The following SEZ6L variants were observed in gnomAD, a reference collection of about 807,000 sequenced individuals.
SEZ6L encodes seizure 6-like protein.
Under a neutral mutation model 106.2 loss-of-function variants are expected in SEZ6L, and 37 were observed. That is an observed-to-expected ratio of 0.35 (90% CI 0.27 to 0.46). The LOEUF (loss-of-function observed/expected upper bound fraction) is 0.46, where lower values mean the gene tolerates loss of function less well. SEZ6L is among the 20% of genes least tolerant of loss of function. The pLI is 1.00. For missense variants in SEZ6L, 1,172 were observed against 1,332.8 expected (o/e 0.88, Z 1.88); for synonymous variants, 541 against 570.4 (o/e 0.95, Z 0.73).
At chr22:26,348,654 G>GAAAGAAAGAAAGAA (rs1569473682) in intron 11 of SEZ6L, among the ~76,000 whole-genome samples, 11 of 41,478 alleles carry the variant, frequency 2.7e-4, no homozygotes, top group South Asian at 1.0e-3. Context: ...GAAAAAGAAA[G>GAAAGAAAGAAAGAA]AAAGAAAGAA....
intron 12 of SEZ6L, among the ~76,000 whole-genome samples, chr22:26,354,718 A>G (rs1424962546): frequency 2.0e-5 from 3 of 152,214 alleles, no homozygotes. Context: ...CCAGTCTCTA[A>G]AGACCCTCTG....
At chr22:26,311,637 A>T in intron 7 of SEZ6L, 131 bp from the exon 8 acceptor site, 1 of 805,770 alleles carries the variant, frequency 1.2e-6, no homozygotes, top group South Asian at 1.7e-5. Context: ...AGCTGGAACC[A>T]GGACACGTAA....
intron 1 of SEZ6L, among the ~76,000 whole-genome samples, chr22:26,273,264 C>T (rs1008748143): frequency 6.6e-5 from 10 of 152,380 alleles, no homozygotes; most frequent in East Asian, 1.9e-4. Flanking sequence ...CTAGTGCCAC[C>T]GCATGCAGGC....
chr22:26,291,563 C>A (rs113875235), intron 1 of SEZ6L, among the ~76,000 whole-genome samples: 34 of 152,218 alleles, frequency 2.2e-4, no homozygotes, highest in African/African-American at 8.2e-4. Flanking sequence ...ACATAACAAA[C>A]CTGCACATCC....
At chr22:26,254,351 A>G (rs143749662) in intron 1 of SEZ6L, among the ~76,000 whole-genome samples, 86 of 152,168 alleles carry the variant, frequency 5.7e-4, no homozygotes, top group African/African-American at 1.9e-3. Context: ...AAGGAAGAGG[A>G]GAAGTGAGGA....
intron 1 of SEZ6L, among the ~76,000 whole-genome samples, chr22:26,183,941 G>A (rs148651312): frequency 1.3e-5 from 2 of 152,234 alleles, no homozygotes; most frequent in East Asian, 3.9e-4. Context: ...ACGTGGCAAA[G>A]GATATCCATT....
chr22:26,211,804 TAAAAAAAAAAA>T (rs56124325), intron 1 of SEZ6L, among the ~76,000 whole-genome samples: 34 of 48,082 alleles, frequency 7.1e-4, no homozygotes, highest in Middle Eastern at 0.019. Flanking sequence ...ACCTCGTCTC[TAAAAAAAAAAA>T]AAAAAAAAAA....
rs367751295 is a variant in SEZ6L, at chr22:26,310,700, G to T, written c.1545G>T (p.Lys515Asn). Residue 515 changes from lysine (K) to asparagine (N), a missense_variant, in exon 7 of 17, where the codon AAG (lysine) becomes AAT (asparagine). By Grantham distance (94) the Lys-to-Asn change is moderately conservative (BLOSUM62 0). Coordinates refer to ENST00000248933, the MANE Select transcript of SEZ6L (RefSeq NM_021115.5). ...CGGTTCACAGCGGGCAGACCAACAA[G>T]TCAGCTCTTCTCTACGACTCCCTTC... ...RMTVHSGQTNKSALLYDSLQT... is the reference protein window; with the variant it reads ...RMTVHSGQTNNSALLYDSLQT... The T allele has an allele frequency of 6.2e-7, 1 of 1,614,018 alleles. No individual in the cohort carries two copies. The highest frequency in any genetic ancestry group is 8.5e-7 in the Non-Finnish European group (1 of 1,180,038).
At chr22:26,328,409 A>C (rs1309454201) in intron 9 of SEZ6L, among the ~76,000 whole-genome samples, 1 of 152,234 alleles carries the variant, frequency 6.6e-6, no homozygotes, top group Non-Finnish European at 1.5e-5. Context: ...AGGTGGGAAC[A>C]CTGAGGCTCA....
At chr22:26,275,765 T>C (rs1352361908) in intron 1 of SEZ6L, among the ~76,000 whole-genome samples, 1 of 152,230 alleles carries the variant, frequency 6.6e-6, no homozygotes, top group Non-Finnish European at 1.5e-5. Context: ...TAGTCCTCAG[T>C]TGGAGCATCT....
chr22:26,347,830 C>A lies in SEZ6L; in HGVS notation c.2324C>A (p.Pro775His), dbSNP rs2083060897. ...GCCAGAATCACCTACCAGTGTGACC[C>A]CGGCTATGACATCGTGGGGAGTGAC... ...RGARITYQCD[P>H]GYDIVGSDTL... The change falls in exon 11 of 17, where the codon CCC becomes CAC. Residue 775 changes from proline to histidine, a missense_variant. This residue lies in a region of SEZ6L where 534 missense variants were observed against 691.0 expected (regional missense o/e 0.77). Transcript: ENST00000248933. The A allele has an allele frequency of 1.2e-6, 2 of 1,605,948 alleles. No homozygotes were observed. Among genetic ancestry groups the A allele is most frequent in the East Asian group, 4.5e-5 (2 of 44,134 alleles).
rs531117227 is a variant in SEZ6L at position 26,324,807 on chromosome 22, T to C, written c.2015+10905T>C. On this transcript the variant is annotated intron_variant, in intron 9 of 16. Transcript: ENST00000248933. The stretch of plus-strand genomic sequence containing the variant: ...AAATGAGGAAACTGAGGCCCAGAGA[T>C]GGGAAGAGATTGCCCCAAGACCACT... 6.6e-5 allele frequency among the ~76,000 whole-genome samples: 10 copies of C among 152,228 alleles called. No homozygotes were observed. In the South Asian group the frequency reaches 2.1e-3, roughly 32 times the overall value.
chr22:26,214,893 A>C (rs999156254), intron 1 of SEZ6L, among the ~76,000 whole-genome samples: 2 of 152,234 alleles, frequency 1.3e-5, no homozygotes, highest in African/African-American at 4.8e-5. Flanking sequence ...AGAAACATAT[A>C]AATGACTACA....
Position 26,275,349 on chromosome 22 carries a change from G to A in SEZ6L, c.95-17057G>A, listed in dbSNP as rs531778602. ...CTGTAGGCCTATGTAAGTGTTCTGA[G>A]TATGTTTAAGGTAGGCTAGGCTAAG... On this transcript the variant is annotated intron_variant, in intron 1 of 16. Coordinates refer to ENST00000248933, the MANE Select transcript of SEZ6L (RefSeq NM_021115.5). Among the ~76,000 whole-genome samples the A allele has an allele frequency of 2.0e-5, 3 of 152,318 alleles. No homozygotes were observed. In the South Asian group the frequency reaches 6.2e-4, roughly 32 times the overall value.
intron 9 of SEZ6L, among the ~76,000 whole-genome samples, chr22:26,317,166 G>C (rs946488246): frequency 6.6e-6 from 1 of 152,150 alleles, no homozygotes; most frequent in African/African-American, 2.4e-5. Flanking sequence ...GGTCTTCTTA[G>C]CTGAAGCTTC....
intron 1 of SEZ6L, among the ~76,000 whole-genome samples, chr22:26,199,017 AC>A (rs1940759285): frequency 6.6e-6 from 1 of 152,192 alleles, no homozygotes; most frequent in South Asian, 2.1e-4. Flanking sequence ...GTCATTGGAA[AC>A]GTCATGACAC....
chr22:26,173,515 G>A (rs746263668), intron 1 of SEZ6L, among the ~76,000 whole-genome samples: 15 of 152,200 alleles, frequency 9.9e-5, no homozygotes, highest in Non-Finnish European at 1.6e-4. Flanking sequence ...TGGAGATCGA[G>A]CGGATGCAGG....
chr22:26,360,465 A>G (rs1322978727), intron 12 of SEZ6L, among the ~76,000 whole-genome samples: 2 of 152,222 alleles, frequency 1.3e-5, no homozygotes, highest in Non-Finnish European at 2.9e-5. Context: ...GGCGCATACA[A>G]TGCCTGGCAC....
chr22:26,361,278 A>G (rs2083613991), intron 12 of SEZ6L, among the ~76,000 whole-genome samples: 1 of 150,934 alleles, frequency 6.6e-6, no homozygotes, highest in African/African-American at 2.4e-5. Flanking sequence ...CGGATGGATC[A>G]CTTGAGGTCA....
Sources: allele counts gnomAD v4.1 joint callset (sites outside exome capture counted in the v4.1 genomes callset), GRCh38; gene constraint gnomAD v4.1.1; regional missense constraint gnomAD v4.1.1; transcripts MANE v1.5; gene names NCBI Gene and HGNC (gene_info 2026-07-23, HGNC 2026-07-21).